The following SEPSECS variants were observed in gnomAD, a reference collection of about 807,000 sequenced individuals.
SEPSECS encodes Sep (O-phosphoserine) tRNA:Sec (selenocysteine) tRNA synthase.
SEPSECS carries 42 observed loss-of-function variants against 52.1 expected under a neutral mutation model. The observed-to-expected ratio is 0.81, with a 90% CI of 0.63 to 1.04. The LOEUF (loss-of-function observed/expected upper bound fraction) is 1.04. Ranked by LOEUF, SEPSECS falls within the 50% of genes least tolerant of loss-of-function variation. The pLI is 0.00. For missense variants in SEPSECS, 590 were observed against 610.6 expected, an observed-to-expected ratio of 0.97 and a Z score of 0.36; for synonymous variants, 216 against 211.4, an observed-to-expected ratio of 1.02 and a Z score of -0.19.
chr4:25,123,851 CAA>C lies in SEPSECS; in HGVS notation c.*78_*79del. On this transcript the variant is annotated 3_prime_UTR_variant, in exon 11 of 11. Coordinates refer to ENST00000382103, the MANE Select transcript of SEPSECS (RefSeq NM_016955.4). ...CATGAAATTCTCAATTCAAAAATCT[CAA>C]GTCTTATCTTTAAACTGCTTGCTTG... 1 of 1,284,894 alleles carries C rather than the reference CAA, an allele frequency of 7.8e-7. No individual in the cohort carries two copies. Among genetic ancestry groups the C allele is most frequent in the East Asian group, 2.3e-5 (1 of 43,252 alleles). The allele number at this position is 1,284,894 out of a possible 1,614,324, so 79.6% of individuals were successfully genotyped here. A position where few individuals can be genotyped will look rare whatever the true frequency, so the allele number is the denominator to read the frequency against.
At position 25,155,109 on chromosome 4, in the gene SEPSECS, T is replaced by A. The variant is rs562844123; in HGVS notation, c.590A>T (p.Glu197Val). ...VVIENVLEGDELRTDLKAVEA... is the reference protein window; with the variant it reads ...VVIENVLEGDVLRTDLKAVEA... ...CACTGCTTTCAGGTCTGTACGCAGC[T>A]CGTCACCTTCCAAAACATTTTCTAT... The change falls in exon 5 of 11, where the codon GAG (glutamate) becomes GTG (valine). Residue 197 changes from glutamate to valine, a missense_variant. Physicochemically the swap from Glu to Val is moderately radical, Grantham distance 121 (BLOSUM62 -2). Transcript: ENST00000382103. 1 of 1,614,166 alleles carries A rather than the reference T, an allele frequency of 6.2e-7. No individual in the cohort carries two copies. The highest frequency in any genetic ancestry group is 2.2e-5 in the East Asian group (1 of 44,884).
chr4:25,145,026 C>T lies in SEPSECS; in HGVS notation c.912G>A (p.Gln304=). 1 of 1,613,902 alleles carries T rather than the reference C, an allele frequency of 6.2e-7. No individual in the cohort carries two copies. The highest frequency in any genetic ancestry group is 8.5e-7 in the Non-Finnish European group (1 of 1,179,922). ...TACCTGGATACATCTTGCTGATTTC[C>T]TGAATGAATGAATCATTAAAGCCAG... is the stretch of plus-strand genomic sequence containing the variant. ...IIAGFNDSFI[Q]EISKMYPGRA... is the part of the protein sequence containing the mutation. The change falls in exon 7 of 11, where the codon CAG becomes CAA. Residue 304 remains glutamine (Q), a synonymous_variant. Coordinates refer to ENST00000382103, the MANE Select transcript of SEPSECS (RefSeq NM_016955.4).
chr4:25,131,493 T>C (rs985803839), intron 8 of SEPSECS, among the ~76,000 whole-genome samples: 5 of 152,180 alleles, frequency 3.3e-5, no homozygotes, highest in African/African-American at 1.2e-4. Flanking sequence ...AAATATGACA[T>C]GCTGCTGTCT....
At position 25,122,322 on chromosome 4, in the gene SEPSECS, G is replaced by C. The variant is rs1728160321; in HGVS notation, c.*1609C>G. ...ATGTCTGACCTCATGTTTACAAACAGTCTGGGACAATGTACAACGTCACCA... is the reference window on the plus strand; with the variant it reads ...ATGTCTGACCTCATGTTTACAAACACTCTGGGACAATGTACAACGTCACCA... On this transcript the variant is annotated 3_prime_UTR_variant, in exon 11 of 11. Transcript: ENST00000382103. The C allele has an allele frequency of 6.6e-6, 1 of 152,122 alleles. No homozygotes were observed. Among genetic ancestry groups the C allele is most frequent in the Non-Finnish European group, 1.5e-5 (1 of 67,990 alleles). 9.4% of individuals were successfully genotyped at this position (152,122 alleles called of 1,614,324 possible). A position where few individuals can be genotyped will look rare whatever the true frequency, so the allele number is the denominator to read the frequency against.
chr4:25,160,428 C>G lies in SEPSECS; in HGVS notation c.-59G>C. ...GCACTAGCTCCACACGCCAGACACA[C>G]GACGGAACCAGAATGCAACTCGCCG... is the stretch of plus-strand genomic sequence containing the variant. On this transcript the variant is annotated 5_prime_UTR_variant, in exon 1 of 11. Transcript: ENST00000382103. 1.4e-6 allele frequency: 2 copies of G among 1,406,008 alleles called. No homozygotes were observed. Among genetic ancestry groups the G allele is most frequent in the Non-Finnish European group, 9.7e-7 (1 of 1,025,682 alleles). The allele number at this position is 1,406,008 out of a possible 1,614,324, so 87.1% of individuals were successfully genotyped here.
Position 25,125,804 on chromosome 4 carries a change from C to T in SEPSECS, c.1121-20G>A, listed in dbSNP as rs775304262. 1.3e-6 allele frequency: 2 copies of T among 1,499,096 alleles called. No individual in the cohort carries two copies. The highest frequency in any genetic ancestry group is 1.1e-5 in the South Asian group (1 of 87,776). 92.9% of individuals were successfully genotyped at this position (1,499,096 alleles called of 1,614,324 possible). A position where few individuals can be genotyped will look rare whatever the true frequency, so the allele number is the denominator to read the frequency against. On this transcript the variant is annotated intron_variant, in intron 9 of 10. Coordinates refer to ENST00000382103, the MANE Select transcript of SEPSECS (RefSeq NM_016955.4). ...TCATAGCTGAAAAAGAAAAAAGTAT[C>T]CTAATAAGCCTTGGTTTACTGGCAT...
At chr4:25,160,016 G>A (rs1258050270) in intron 1 of SEPSECS, 31 of 985,258 alleles carry the variant, frequency 3.1e-5, no homozygotes, top group Non-Finnish European at 3.7e-5. Context: ...AGAAACAGCG[G>A]GACTCAAAAC....
At chr4:25,153,689 AAAC>A (rs1300309430) in intron 5 of SEPSECS, among the ~76,000 whole-genome samples, 1 of 152,040 alleles carries the variant, frequency 6.6e-6, no homozygotes, top group Non-Finnish European at 1.5e-5. Flanking sequence ...AAAAAACAAA[AAAC>A]AAAATGTGGT....
intron 8 of SEPSECS, among the ~76,000 whole-genome samples, chr4:25,141,044 T>C (rs2109017902): frequency 6.6e-6 from 1 of 152,288 alleles, no homozygotes; most frequent in East Asian, 1.9e-4. Flanking sequence ...TTATAAGTAA[T>C]CTAGAGTTGA....
intron 4 of SEPSECS, among the ~76,000 whole-genome samples, chr4:25,155,559 C>A (rs969296588): frequency 9.9e-5 from 15 of 152,122 alleles, no homozygotes; most frequent in Admixed American, 9.8e-4. Flanking sequence ...TTTTAAAGTT[C>A]ATTTTATTTC....
chr4:25,148,867 T>C (rs898546993), intron 6 of SEPSECS, among the ~76,000 whole-genome samples: 5 of 152,236 alleles, frequency 3.3e-5, no homozygotes, highest in African/African-American at 1.2e-4. Flanking sequence ...AGAAATTTTT[T>C]AACAAATGTC....
intron 4 of SEPSECS, among the ~76,000 whole-genome samples, chr4:25,155,792 T>C (rs1712587720): frequency 6.6e-6 from 1 of 152,200 alleles, no homozygotes; most frequent in Non-Finnish European, 1.5e-5. Flanking sequence ...ACTTAACTAG[T>C]ATATACGCAA....
rs144257915 is a variant in SEPSECS, at chr4:25,147,926, G to T, written c.805-2793C>A. On this transcript the variant is annotated intron_variant, in intron 6 of 10. Transcript: ENST00000382103. ...AAAAATGGGACTTTGGAGTCGCACT[G>T]AACTAGATGGGCTATTTTGTAGCTA... 3.6e-3 allele frequency among the ~76,000 whole-genome samples: 555 copies of T among 152,210 alleles called. 6 individuals carry two copies. Among genetic ancestry groups the T allele is most frequent in the African/African-American group, 0.013 (530 of 41,532 alleles).
rs752561379 is a variant in SEPSECS at position 25,158,975 on chromosome 4, G to C, written c.247C>G (p.Leu83Val). 1.2e-6 allele frequency: 2 copies of C among 1,613,904 alleles called. No homozygotes were observed. The highest frequency in any genetic ancestry group is 4.5e-5 in the East Asian group (2 of 44,882). The change falls in exon 2 of 11, where the codon CTG becomes GTG. Residue 83 changes from leucine (L) to valine (V), a missense_variant. Physicochemically the swap from Leu to Val is conservative, Grantham distance 32. Transcript: ENST00000382103. ...TACCTGTAATGACGACGAGCAACCA[G>C]TGCGGATGCCACTCTCCCTTCCCTT... ...GEREGRVASA[L>V]VARRHYRFIH...
chr4:25,139,377 G>A, intron 8 of SEPSECS, among the ~76,000 whole-genome samples: 1 of 129,800 alleles, frequency 7.7e-6, no homozygotes, highest in South Asian at 2.5e-4. Flanking sequence ...CTTGAAGAAA[G>A]TTGTGTCTTT....
chr4:25,151,808 A>C (rs1577625662), intron 6 of SEPSECS, 152 bp downstream of exon 6: 2 of 624,114 alleles, frequency 3.2e-6, no homozygotes, highest in East Asian at 3.0e-5. Context: ...ACTTTTATTG[A>C]GAGATTATCA....
intron 8 of SEPSECS, among the ~76,000 whole-genome samples, chr4:25,130,738 T>C (rs1728574267): frequency 6.6e-6 from 1 of 152,174 alleles, no homozygotes; most frequent in South Asian, 2.1e-4. Flanking sequence ...TTAATATTAC[T>C]ACATTTTAAA....
At chr4:25,137,887 A>G (rs1479282045) in intron 8 of SEPSECS, among the ~76,000 whole-genome samples, 2 of 152,210 alleles carry the variant, frequency 1.3e-5, no homozygotes, top group African/African-American at 4.8e-5. Flanking sequence ...ATGCAGCCTT[A>G]AAAAGAAATG....
chr4:25,156,830 A>G, intron 3 of SEPSECS, 26 bp downstream of exon 3: 1 of 1,197,772 alleles, frequency 8.3e-7, no homozygotes. Context: ...GACAGCCAAA[A>G]GCATTATGAT....
Sources: gnomAD v4.1 joint callset for allele counts (sites outside exome capture counted in the v4.1 genomes callset) on GRCh38, gnomAD v4.1.1 for gene constraint, MANE v1.5 for transcripts, NCBI Gene and HGNC (gene_info 2026-07-23, HGNC 2026-07-21) for gene names.